Variants in REST observed in about 807,000 individuals in gnomAD.
The protein encoded by REST is RE1-silencing transcription factor.
Under a neutral mutation model 30.4 loss-of-function variants are expected in REST, and 1 was observed. The observed-to-expected ratio is 0.03, with a 90% CI of 0.01 to 0.16. The LOEUF (loss-of-function observed/expected upper bound fraction) is 0.16. REST is among the 10% of genes least tolerant of loss of function. The probability of loss-of-function intolerance (pLI) is 1.00; values close to 1 mark genes in which losing one functional copy is unlikely to be tolerated. For missense variants in REST, 1,259 were observed against 1,329.5 expected (o/e 0.95, Z 0.82); for synonymous variants, 504 against 451.1 (o/e 1.12, Z -1.49).
chr4:56,926,659 T>G (rs1435991372), intron 3 of REST, among the ~76,000 whole-genome samples: 1 of 151,988 alleles, frequency 6.6e-6, no homozygotes, highest in East Asian at 1.9e-4. Flanking sequence ...TTCCCTTTTA[T>G]TTATCCATAC....
At position 56,931,087 on chromosome 4, in the gene REST, G is replaced by A. The variant is rs3796530; in HGVS notation, c.2229G>A (p.Glu743=). ...CTCCCATGGAGGTGGTCCAGAAGGA[G>A]CCTGTTCAGATAGAGCTGTCTCCTC... The part of the protein sequence containing the change: ...LSPPMEVVQK[E]PVQIELSPPM... The change falls in exon 4 of 4, where the codon GAG becomes GAA. Residue 743 remains glutamate, a synonymous_variant. Coordinates refer to ENST00000309042, the MANE Select transcript of REST (RefSeq NM_005612.5). 5.7e-4 allele frequency: 794 copies of A among 1,383,968 alleles called. 11 individuals carry two copies. In the East Asian group the frequency reaches 0.017, roughly 29 times the overall value. The allele number at this position is 1,383,968 out of a possible 1,614,324, so 85.7% of individuals were successfully genotyped here. A position where few individuals can be genotyped will look rare whatever the true frequency, so the allele number is the denominator to read the frequency against.
intron 2 of REST, among the ~76,000 whole-genome samples, chr4:56,916,652 TAA>T (rs1419277175): frequency 2.0e-5 from 3 of 152,126 alleles, no homozygotes; most frequent in African/African-American, 7.2e-5. Context: ...AAAATAATAA[TAA>T]AATAAAAGAA....
chr4:56,911,198 T>C lies in REST; in HGVS notation c.560T>C (p.Phe187Ser). 2 of 1,614,222 alleles carry C rather than the reference T, an allele frequency of 1.2e-6. No homozygotes were observed. The highest frequency in any genetic ancestry group is 1.7e-6 in the Non-Finnish European group (2 of 1,180,036). The change falls in exon 2 of 4, where the codon TTT becomes TCT. Residue 187 changes from phenylalanine (F) to serine (S), a missense_variant. Phe to Ser is a radical substitution (Grantham distance 155). This residue lies in a region of REST where 249 missense variants were observed against 251.5 expected (regional missense o/e 0.99). Coordinates refer to ENST00000309042, the MANE Select transcript of REST (RefSeq NM_005612.5). ...HIRVHSAKKF[F>S]VEESAEKQAK... ...AGAGTTCACAGTGCTAAGAAATTTT[T>C]TGTGGAAGAGAGTGCAGAGAAGCAG... is the stretch of plus-strand genomic sequence containing the variant.
In REST at chr4:56,910,716, G is replaced by C. The variant is rs1719854158; in HGVS notation, c.78G>C (p.Leu26=). 11 of 1,614,176 alleles carry C rather than the reference G, an allele frequency of 6.8e-6. No individual in the cohort carries two copies. The highest frequency in any genetic ancestry group is 8.5e-6 in the Non-Finnish European group (10 of 1,180,036). Residue 26 remains leucine (L), a synonymous_variant, in exon 2 of 4, where the codon CTG becomes CTC. Coordinates refer to ENST00000309042, the MANE Select transcript of REST (RefSeq NM_005612.5). ...FTSSGNIGMA[L]PNDMYDLHDL... The stretch of plus-strand genomic sequence containing the variant: ...GCAGTGGCAACATTGGAATGGCCCT[G>C]CCTAACGACATGTATGACTTGCATG...
intron 2 of REST, among the ~76,000 whole-genome samples, chr4:56,912,380 GC>G (rs925069937): frequency 1.5e-5 from 2 of 133,172 alleles, no homozygotes; most frequent in African/African-American, 5.7e-5. Context: ...TGGCTTTGTC[GC>G]CCAGGCTGGA....
At chr4:56,923,366 C>T (rs910396930) in intron 3 of REST, among the ~76,000 whole-genome samples, 1 of 152,204 alleles carries the variant, frequency 6.6e-6, no homozygotes, top group Non-Finnish European at 1.5e-5. Context: ...TGCCTAGGCT[C>T]AAGCCATCCT....
intron 1 of REST, 85 bp downstream of exon 1, chr4:56,908,298 G>A (rs900373942): frequency 1.7e-4 from 32 of 191,118 alleles, no homozygotes; most frequent in Non-Finnish European, 2.8e-4. Context: ...GGAGGGCGCG[G>A]AAGGACGCGG....
Position 56,930,671 on chromosome 4 carries a change from TCTGCTCAGATGGACC to T in REST, c.1816_1830del (p.Ala606_Pro610del), listed in dbSNP as rs1720919029. Reference sequence around the variant, plus strand: ...TCAGAAGGAACCTGTTGAGAAGGGATCTGCTCAGATGGACCCTCCTCAGATGGGGCCTGCTCCCAC... The same window carrying T: ...TCAGAAGGAACCTGTTGAGAAGGGATCTCCTCAGATGGGGCCTGCTCCCAC... On this transcript the variant is annotated inframe_deletion, in exon 4 of 4. Transcript: ENST00000309042. 6.2e-7 allele frequency: 1 copy of T among 1,613,598 alleles called. No individual in the cohort carries two copies.
chr4:56,914,326 A>G (rs979517860), intron 2 of REST, among the ~76,000 whole-genome samples: 1 of 152,222 alleles, frequency 6.6e-6, no homozygotes, highest in African/African-American at 2.4e-5. Context: ...TGCAGGTGAA[A>G]TTCCATTACA....
At chr4:56,929,798 G>GTCTTAA in intron 3 of REST, 43 bp from the exon 4 acceptor site, 1 of 1,533,950 alleles carries the variant, frequency 6.5e-7, no homozygotes. Flanking sequence ...TCTTGAATTT[G>GTCTTAA]TCTTAATCTA....
chr4:56,914,936 T>C (rs1720113770), intron 2 of REST, among the ~76,000 whole-genome samples: 1 of 148,560 alleles, frequency 6.7e-6, no homozygotes, highest in African/African-American at 2.5e-5. Flanking sequence ...TTTTTTTTTT[T>C]TTTTTTTGAG....
chr4:56,926,352 C>T (rs928347053), intron 3 of REST, among the ~76,000 whole-genome samples: 108 of 152,012 alleles, frequency 7.1e-4, no homozygotes, highest in African/African-American at 2.3e-3. Context: ...GGATTACAGG[C>T]GTGAGCCACT....
chr4:56,911,275 A>G lies in REST; in HGVS notation c.637A>G (p.Lys213Glu). The G allele has an allele frequency of 6.2e-7, 1 of 1,614,156 alleles. No homozygotes were observed. Among genetic ancestry groups the G allele is most frequent in the Non-Finnish European group, 8.5e-7 (1 of 1,180,010 alleles). The change falls in exon 2 of 4, where the codon AAG becomes GAG. Residue 213 changes from lysine to glutamate, a missense_variant. Lys to Glu is a moderately conservative substitution (Grantham distance 56). Coordinates refer to ENST00000309042, the MANE Select transcript of REST (RefSeq NM_005612.5). ...SSTAEEGDFS[K>E]GPIRCDRCGY... is the part of the protein sequence containing the mutation. ...CACTGCAGAAGAGGGAGATTTCTCC[A>G]AGGGCCCCATTCGCTGTGACCGCTG... is the stretch of plus-strand genomic sequence containing the variant.
rs1160458138 is a variant in REST, at chr4:56,934,135, G to A, written c.*1983G>A. On this transcript the variant is annotated 3_prime_UTR_variant, in exon 4 of 4. Coordinates refer to ENST00000309042, the MANE Select transcript of REST (RefSeq NM_005612.5). ...TTGTAAATGTTGAATTCTAGGCTCCGACAATCATTGTCAACAGAAGATCAA... is the reference window on the plus strand; with the variant it reads ...TTGTAAATGTTGAATTCTAGGCTCCAACAATCATTGTCAACAGAAGATCAA... The A allele has an allele frequency of 6.6e-6, 1 of 152,164 alleles. No homozygotes were observed. Among genetic ancestry groups the A allele is most frequent in the Non-Finnish European group, 1.5e-5 (1 of 68,028 alleles). The allele number at this position is 152,164 out of a possible 1,614,324, so 9.4% of individuals were successfully genotyped here.
In REST at chr4:56,911,616, A is replaced by T. The variant is rs770350789; in HGVS notation, c.898+80A>T. 3 of 1,157,144 alleles carry T rather than the reference A, an allele frequency of 2.6e-6. No homozygotes were observed. The African/African-American group carries it at 4.6e-5, about 18-fold the overall frequency. The allele number at this position is 1,157,144 out of a possible 1,614,324, so 71.7% of individuals were successfully genotyped here. A position where few individuals can be genotyped will look rare whatever the true frequency, so the allele number is the denominator to read the frequency against. On this transcript the variant is annotated intron_variant, in intron 2 of 3. Transcript: ENST00000309042. The stretch of plus-strand genomic sequence containing the variant: ...AGTGGTTAGTTAAGTAGTGCTTGAG[A>T]AAAAGGACTCTGGTTCAAATCCAGG...
At chr4:56,922,928 C>G (rs990773739) in intron 3 of REST, among the ~76,000 whole-genome samples, 1 of 152,200 alleles carries the variant, frequency 6.6e-6, no homozygotes, top group African/African-American at 2.4e-5. Context: ...TTTAGAATGA[C>G]TACATACTTT....
Position 56,931,704 on chromosome 4 carries a change from T to C in REST, c.2846T>C (p.Met949Thr), listed in dbSNP as rs1207531505. 6.2e-7 allele frequency: 1 copy of C among 1,614,172 alleles called. No homozygotes were observed. Among genetic ancestry groups the C allele is most frequent in the Admixed American group, 1.7e-5 (1 of 60,024 alleles). The part of the protein sequence containing the change: ...QTDSIVCEMK[M>T]DTDQNTRENL... ...GACAGTATAGTTTGTGAAATGAAAA[T>C]GGACACTGATCAGAACACAAGAGAG... Residue 949 changes from methionine (M) to threonine (T), a missense_variant, in exon 4 of 4, where the codon ATG becomes ACG. Met to Thr is a moderately conservative substitution (Grantham distance 81). Coordinates refer to ENST00000309042, the MANE Select transcript of REST (RefSeq NM_005612.5).
intron 2 of REST, among the ~76,000 whole-genome samples, chr4:56,913,686 T>C (rs1178269187): frequency 6.6e-6 from 1 of 152,144 alleles, no homozygotes; most frequent in African/African-American, 2.4e-5. Flanking sequence ...TCTCCCTCTG[T>C]GCCCCAGGCT....
chr4:56,930,124 C>T lies in REST; in HGVS notation c.1266C>T (p.Val422=), dbSNP rs201686693. The T allele has an allele frequency of 4.3e-5, 69 of 1,613,578 alleles. No individual in the cohort carries two copies. Among genetic ancestry groups the T allele is most frequent in the Non-Finnish European group, 5.5e-5 (65 of 1,179,952 alleles). The change falls in exon 4 of 4, where the codon GTC becomes GTT. Residue 422 remains valine (V), a synonymous_variant. Coordinates refer to ENST00000309042, the MANE Select transcript of REST (RefSeq NM_005612.5). The part of the protein sequence containing the change: ...HPTCPNKTMD[V]SKVKLKKTKK... Reference sequence around the variant, plus strand: ...CTTGTCCTAATAAAACAATGGATGTCTCAAAAGTGAAACTAAAGAAAACCA... The same window carrying T: ...CTTGTCCTAATAAAACAATGGATGTTTCAAAAGTGAAACTAAAGAAAACCA...
Sources: gnomAD v4.1 joint callset for allele counts (sites outside exome capture counted in the v4.1 genomes callset) on GRCh38, gnomAD v4.1.1 for gene constraint, gnomAD v4.1.1 regional missense constraint, MANE v1.5 for transcripts, NCBI Gene and HGNC (gene_info 2026-07-23, HGNC 2026-07-21) for gene names.